The following GPATCH2 variants were observed in gnomAD, a reference collection of about 807,000 sequenced individuals.
GPATCH2 encodes G patch domain-containing protein 2.
GPATCH2 carries 51 observed loss-of-function variants against 58.0 expected under a neutral mutation model. The ratio of observed to expected loss-of-function variants is 0.88; its 90% CI spans 0.70 to 1.11. The LOEUF (loss-of-function observed/expected upper bound fraction) is 1.11. Ranked by LOEUF, GPATCH2 falls within the 50% of genes most tolerant of loss-of-function variation. The pLI, the probability that GPATCH2 is intolerant of heterozygous loss-of-function variation, is 0.00. For missense variants in GPATCH2, 625 were observed against 652.2 expected (o/e 0.96, Z 0.45); for synonymous variants, 222 against 218.5 (o/e 1.02, Z -0.14).
intron 9 of GPATCH2, among the ~76,000 whole-genome samples, chr1:217,441,674 G>T (rs983655101): frequency 1.2e-4 from 19 of 152,244 alleles, no homozygotes; most frequent in African/African-American, 4.6e-4. Context: ...CCATCAAAAA[G>T]TGGGCAAAGG....
At chr1:217,525,139 A>G (rs1663823355) in intron 5 of GPATCH2, among the ~76,000 whole-genome samples, 1 of 151,822 alleles carries the variant, frequency 6.6e-6, no homozygotes, top group Non-Finnish European at 1.5e-5. Context: ...AGGTGACTAC[A>G]TTTATTTTAA....
intron 8 of GPATCH2, among the ~76,000 whole-genome samples, chr1:217,451,880 T>C (rs1659681527): frequency 6.6e-6 from 1 of 152,222 alleles, no homozygotes; most frequent in Admixed American, 6.5e-5. Context: ...TAAACATTCT[T>C]ACAGTTTAAG....
chr1:217,593,898 CA>C lies in GPATCH2; in HGVS notation c.1098+16422del, dbSNP rs1667701943. ...AGAAGCATGAATCCTTATTGCAAAA[CA>C]AAACAAAATAAAAATTAAAGATTAA... On this transcript the variant is annotated intron_variant, in intron 5 of 9. Coordinates refer to ENST00000366935, the MANE Select transcript of GPATCH2 (RefSeq NM_018040.5). Among the ~76,000 whole-genome samples the C allele has an allele frequency of 3.3e-5, 5 of 151,864 alleles. No homozygotes were observed. In the South Asian group the frequency reaches 1.0e-3, roughly 31 times the overall value.
intron 5 of GPATCH2, among the ~76,000 whole-genome samples, chr1:217,566,493 A>C (rs2102705047): frequency 6.6e-6 from 1 of 152,346 alleles, no homozygotes; most frequent in African/African-American, 2.4e-5. Flanking sequence ...CAGGCACAGC[A>C]TTATTAATTT....
rs534955685 is a variant in GPATCH2 at position 217,531,642 on chromosome 1, T to C, written c.1099-16753A>G. The stretch of plus-strand genomic sequence containing the variant: ...AGAGTGGTTCATAATTTTTAAAATA[T>C]AGAAAATGAAAGAGATGCTCATTAC... On this transcript the variant is annotated intron_variant, in intron 5 of 9. Coordinates refer to ENST00000366935, the MANE Select transcript of GPATCH2 (RefSeq NM_018040.5). Among the ~76,000 whole-genome samples, 103 of 152,288 alleles carry C rather than the reference T, an allele frequency of 6.8e-4. 1 individual carries two copies. Among genetic ancestry groups the C allele is most frequent in the Non-Finnish European group, 1.4e-3 (92 of 68,014 alleles).
At chr1:217,435,953 A>T (rs866412177) in intron 9 of GPATCH2, among the ~76,000 whole-genome samples, 5 of 152,218 alleles carry the variant, frequency 3.3e-5, no homozygotes, top group Non-Finnish European at 7.3e-5. Context: ...GTTAATTAAA[A>T]TCAGTTTAAA....
chr1:217,452,020 C>A (rs572426485), intron 8 of GPATCH2, among the ~76,000 whole-genome samples: 1 of 152,156 alleles, frequency 6.6e-6, no homozygotes, highest in Non-Finnish European at 1.5e-5. Flanking sequence ...CTGTATAACA[C>A]GAATGGAAAA....
rs576673064 is a variant in GPATCH2, at chr1:217,546,773, TACAG to T, written c.1099-31888_1099-31885del. 1.0e-3 allele frequency among the ~76,000 whole-genome samples: 153 copies of T among 152,154 alleles called. 1 individual carries two copies. Among genetic ancestry groups the T allele is most frequent in the African/African-American group, 3.6e-3 (150 of 41,520 alleles). On this transcript the variant is annotated intron_variant, in intron 5 of 9. Transcript: ENST00000366935. Reference sequence around the variant, plus strand: ...ATGGGATCTAACTAAAGAGCTTCTGTACAGACAAAGAAACTATCAACAGAGTAGA... The same window carrying T: ...ATGGGATCTAACTAAAGAGCTTCTGTACAAAGAAACTATCAACAGAGTAGA...
intron 5 of GPATCH2, among the ~76,000 whole-genome samples, chr1:217,520,152 G>T (rs1213049807): frequency 6.6e-6 from 1 of 152,032 alleles, no homozygotes; most frequent in Non-Finnish European, 1.5e-5. Flanking sequence ...TGAAATATAC[G>T]CCATAAAAAC....
intron 5 of GPATCH2, among the ~76,000 whole-genome samples, chr1:217,563,815 C>T (rs1000498426): frequency 8.5e-5 from 13 of 152,074 alleles, no homozygotes; most frequent in East Asian, 1.9e-4. Flanking sequence ...GTAGCCAAGG[C>T]GGGTGGATCA....
intron 7 of GPATCH2, chr1:217,495,185 A>T (rs1393605413): frequency 5.8e-6 from 1 of 171,908 alleles, no homozygotes; most frequent in Admixed American, 6.5e-5. Context: ...GAAGAAAAGT[A>T]TACCTTGTGG....
intron 5 of GPATCH2, among the ~76,000 whole-genome samples, chr1:217,597,914 G>C (rs1311851515): frequency 6.6e-6 from 1 of 152,146 alleles, no homozygotes; most frequent in Non-Finnish European, 1.5e-5. Flanking sequence ...CTGCACACTA[G>C]GCATCCAATC....
At chr1:217,530,349 A>G (rs1664128055) in intron 5 of GPATCH2, among the ~76,000 whole-genome samples, 1 of 152,236 alleles carries the variant, frequency 6.6e-6, no homozygotes, top group South Asian at 2.1e-4. Context: ...GGTGGATAAT[A>G]GTACCTATTT....
intron 8 of GPATCH2, among the ~76,000 whole-genome samples, chr1:217,472,050 A>C (rs1410898121): frequency 6.6e-6 from 1 of 152,152 alleles, no homozygotes; most frequent in East Asian, 1.9e-4. Context: ...AAAGGACAAA[A>C]ATCATATAAG....
intron 5 of GPATCH2, among the ~76,000 whole-genome samples, chr1:217,565,854 C>A (rs1666201353): frequency 6.6e-6 from 1 of 152,108 alleles, no homozygotes; most frequent in South Asian, 2.1e-4. Context: ...GTAATCCCAG[C>A]AGTTTGGGAG....
intron 5 of GPATCH2, among the ~76,000 whole-genome samples, chr1:217,607,387 T>C (rs967369137): frequency 6.6e-6 from 1 of 152,130 alleles, no homozygotes; most frequent in African/African-American, 2.4e-5. Context: ...GTTGTGCTTT[T>C]TGTGGGTGAT....
At chr1:217,488,479 T>C (rs1282049482) in intron 8 of GPATCH2, among the ~76,000 whole-genome samples, 1 of 152,148 alleles carries the variant, frequency 6.6e-6, no homozygotes, top group Non-Finnish European at 1.5e-5. Flanking sequence ...AAGTTTTTTT[T>C]CCTAAATCAC....
chr1:217,550,318 T>G (rs1665284710), intron 5 of GPATCH2, among the ~76,000 whole-genome samples: 1 of 152,144 alleles, frequency 6.6e-6, no homozygotes, highest in Non-Finnish European at 1.5e-5. Context: ...AAGATCATTA[T>G]TATTCATTTA....
At chr1:217,513,937 G>A (rs530118554) in intron 6 of GPATCH2, among the ~76,000 whole-genome samples, 5 of 151,184 alleles carry the variant, frequency 3.3e-5, no homozygotes, top group Admixed American at 2.0e-4. Context: ...TGAGTCTCCC[G>A]TCTCAGCTTT....
Sources: allele counts gnomAD v4.1 joint callset (sites outside exome capture counted in the v4.1 genomes callset), GRCh38; gene constraint gnomAD v4.1.1; transcripts MANE v1.5; gene names NCBI Gene and HGNC (gene_info 2026-07-23, HGNC 2026-07-21).